The following DMD variants were observed in gnomAD, a reference collection of about 807,000 sequenced individuals.
DMD encodes mutant dystrophin.
DMD carries 63 observed loss-of-function variants against 330.1 expected under a neutral mutation model. The observed-to-expected ratio is 0.19, with a 90% CI of 0.16 to 0.24. The LOEUF (loss-of-function observed/expected upper bound fraction) is 0.24, where lower values mean the gene tolerates loss of function less well. Among genes scored for constraint, DMD ranks in the 10% least tolerant of loss-of-function variants. The probability of loss-of-function intolerance (pLI) is 1.00; values close to 1 mark genes in which losing one functional copy is unlikely to be tolerated. For missense variants in DMD, 3,344 were observed against 2,684.1 expected (o/e 1.25, Z -5.43); for synonymous variants, 1,223 against 959.8 (o/e 1.27, Z -5.07).
chrX:33,304,318 G>T (rs1354563199), intron 1 of DMD, among the ~76,000 whole-genome samples: 1 of 110,909 alleles, frequency 9.0e-6, no homozygotes. Flanking sequence ...AATGGGGAAA[G>T]GATTCCCTAT....
intron 12 of DMD, among the ~76,000 whole-genome samples, chrX:32,613,088 C>T (rs759013208): frequency 8.9e-6 from 1 of 111,824 alleles, no homozygotes; most frequent in South Asian, 3.7e-4. Context: ...AATCCAAAAA[C>T]CACAGATCAT....
chrX:32,609,706 A>G (rs1362967901), intron 12 of DMD, among the ~76,000 whole-genome samples: 2 of 111,446 alleles, frequency 1.8e-5, no homozygotes, highest in African/African-American at 6.5e-5. Context: ...CAAGAAAAGG[A>G]TAGGTGACTG....
intron 34 of DMD, among the ~76,000 whole-genome samples, chrX:32,379,299 TC>T (rs1244728028): frequency 9.1e-6 from 1 of 109,884 alleles, no homozygotes; most frequent in East Asian, 2.9e-4. Context: ...CAGACAATTC[TC>T]CAGACTATTC....
intron 2 of DMD, 109 bp downstream of exon 2, chrX:33,020,030 A>G: frequency 1.8e-6 from 1 of 557,115 alleles, no homozygotes; most frequent in Non-Finnish European, 2.9e-6. Flanking sequence ...CTAAAATAAA[A>G]TGACACTATG....
Position 32,647,908 on chromosome X carries a change from A to G in DMD, c.961-2756T>C, listed in dbSNP as rs146030430. Among the ~76,000 whole-genome samples, 1,093 of 112,022 alleles carry G rather than the reference A, an allele frequency of 9.8e-3. 20 individuals are homozygous for G. The highest frequency in any genetic ancestry group is 0.033 in the African/African-American group (1,031 of 30,861). On this transcript the variant is annotated intron_variant, in intron 9 of 78. Coordinates refer to ENST00000357033, the MANE Select transcript of DMD (RefSeq NM_004006.3). ...CCCCCAAAAATGTGTAAGAGCAAAC[A>G]TTATTTAACTCTTTTTGAAATCTGA...
chrX:31,412,592 T>C (rs987230898), intron 60 of DMD, among the ~76,000 whole-genome samples: 1 of 111,547 alleles, frequency 9.0e-6, no homozygotes, highest in Admixed American at 9.6e-5. Context: ...GAAGCAGACA[T>C]ATTGGACCAT....
intron 44 of DMD, among the ~76,000 whole-genome samples, chrX:32,070,789 G>A (rs1363499712): frequency 9.0e-6 from 1 of 111,268 alleles, no homozygotes. Context: ...AAAGGCATAA[G>A]AATGATACAA....
chrX:32,824,027 T>A (rs150842607), intron 4 of DMD, among the ~76,000 whole-genome samples: 11 of 111,794 alleles, frequency 9.8e-5, no homozygotes, highest in African/African-American at 1.9e-4. Context: ...TTTTAGCCAA[T>A]AGAGGAATGC....
chrX:32,618,577 G>A (rs1413410496), intron 11 of DMD, among the ~76,000 whole-genome samples: 19 of 110,847 alleles, frequency 1.7e-4, no homozygotes, highest in Non-Finnish European at 1.9e-5. Context: ...CTTATACCTG[G>A]TGATGAAATA....
chrX:32,711,095 T>G (rs1238468271), intron 7 of DMD, among the ~76,000 whole-genome samples: 1 of 111,979 alleles, frequency 8.9e-6, no homozygotes, highest in Non-Finnish European at 1.9e-5. Context: ...GCGTAGAATC[T>G]TACTGCTATT....
At chrX:31,927,391 T>C (rs1162078337) in intron 47 of DMD, among the ~76,000 whole-genome samples, 1 of 112,325 alleles carries the variant, frequency 8.9e-6, no homozygotes, top group African/African-American at 3.2e-5. Context: ...CTATTGTATA[T>C]TTTAGATAGT....
intron 55 of DMD, among the ~76,000 whole-genome samples, chrX:31,576,434 C>CT (rs1416380277): frequency 1.6e-3 from 160 of 101,061 alleles, no homozygotes; most frequent in African/African-American, 3.4e-3. Context: ...TCAAAAATTA[C>CT]TTTTTTTTTT....
intron 44 of DMD, among the ~76,000 whole-genome samples, chrX:32,010,141 A>G (rs1479346026): frequency 8.9e-6 from 1 of 112,041 alleles, no homozygotes; most frequent in Non-Finnish European, 1.9e-5. Context: ...AGAGGCTCAG[A>G]AATGTTTGTT....
At chrX:31,628,123 AGAG>A (rs1272360983) in intron 54 of DMD, among the ~76,000 whole-genome samples, 2 of 111,460 alleles carry the variant, frequency 1.8e-5, no homozygotes, top group Admixed American at 1.9e-4. Flanking sequence ...CCCTCTCCAC[AGAG>A]GAGGTTTCAT....
At chrX:32,038,462 T>G (rs943505529) in intron 44 of DMD, among the ~76,000 whole-genome samples, 1 of 111,640 alleles carries the variant, frequency 9.0e-6, no homozygotes, top group African/African-American at 3.3e-5. Context: ...GCATGGGATA[T>G]CAGAGAAACT....
chrX:33,126,640 T>C (rs1322179561), intron 1 of DMD, among the ~76,000 whole-genome samples: 1 of 112,175 alleles, frequency 8.9e-6, no homozygotes, highest in African/African-American at 3.2e-5. Context: ...AATCAAGGAC[T>C]CTATAAGCAT....
At chrX:33,063,358 T>A (rs991736830) in intron 1 of DMD, among the ~76,000 whole-genome samples, 1 of 111,743 alleles carries the variant, frequency 8.9e-6, no homozygotes, top group African/African-American at 3.3e-5. Flanking sequence ...TATTTGAGGA[T>A]GATATTCAAC....
At chrX:31,424,963 G>C (rs1396395387) in intron 60 of DMD, among the ~76,000 whole-genome samples, 1 of 111,950 alleles carries the variant, frequency 8.9e-6, no homozygotes, top group East Asian at 2.8e-4. Flanking sequence ...TACACTTTCA[G>C]GAATGAATAA....
chrX:31,599,839 T>C (rs1446997831), intron 55 of DMD, among the ~76,000 whole-genome samples: 1 of 112,367 alleles, frequency 8.9e-6, no homozygotes, highest in Non-Finnish European at 1.9e-5. Flanking sequence ...TATGAGCTCA[T>C]TAGTATGTCT....
Sources: gnomAD v4.1 joint callset for allele counts (sites outside exome capture counted in the v4.1 genomes callset) on GRCh38, gnomAD v4.1.1 for gene constraint, MANE v1.5 for transcripts, NCBI Gene and HGNC (gene_info 2026-07-23, HGNC 2026-07-21) for gene names.